The following EFCAB6 variants were observed in gnomAD, a reference collection of about 807,000 sequenced individuals.
EFCAB6 encodes EF-hand calcium binding domain 6.
Under a neutral mutation model 169.8 loss-of-function variants are expected in EFCAB6, and 156 were observed. The observed-to-expected ratio is 0.92, with a 90% CI of 0.81 to 1.05. The LOEUF (loss-of-function observed/expected upper bound fraction) is 1.05. EFCAB6 is among the 50% of genes least tolerant of loss of function. The probability of loss-of-function intolerance (pLI) is 0.00; values close to 1 mark genes in which losing one functional copy is unlikely to be tolerated. For synonymous variants in EFCAB6, 698 were observed against 676.4 expected (o/e 1.03, Z -0.50); for missense variants, 1,800 against 1,829.1 (o/e 0.98, Z 0.29).
At chr22:43,550,178 G>A (rs1396861825) in intron 27 of EFCAB6, among the ~76,000 whole-genome samples, 1 of 152,122 alleles carries the variant, frequency 6.6e-6, no homozygotes, top group Non-Finnish European at 1.5e-5. Context: ...GCACCTGGAG[G>A]AGCCTGGGGG....
chr22:43,545,503 C>G (rs1488913071), intron 27 of EFCAB6, among the ~76,000 whole-genome samples: 9 of 152,212 alleles, frequency 5.9e-5, no homozygotes, highest in Non-Finnish European at 1.3e-4. Flanking sequence ...AAGCTGCTAA[C>G]CCCAAAGACG....
At chr22:43,709,955 G>A (rs531053191) in intron 10 of EFCAB6, among the ~76,000 whole-genome samples, 2 of 152,296 alleles carry the variant, frequency 1.3e-5, no homozygotes, top group South Asian at 4.1e-4. Context: ...GGGGAATGGA[G>A]CCAGCTGCTG....
chr22:43,789,354 A>G (rs1217180430), intron 2 of EFCAB6, among the ~76,000 whole-genome samples: 1 of 152,236 alleles, frequency 6.6e-6, no homozygotes, highest in Non-Finnish European at 1.5e-5. Flanking sequence ...ATGCAGCAGC[A>G]GCACTGGGTG....
At position 43,784,488 on chromosome 22, in the gene EFCAB6, C is replaced by CAA. The variant is rs113755588; in HGVS notation, c.-7-2165_-7-2164dup. Among the ~76,000 whole-genome samples the CAA allele has an allele frequency of 1.4e-4, 9 of 63,686 alleles. No individual in the cohort carries two copies. In the South Asian group the frequency reaches 4.6e-3, roughly 32 times the overall value. 41.8% of individuals were successfully genotyped at this position (63,686 alleles called of 152,430 possible). On this transcript the variant is annotated intron_variant, in intron 2 of 31. Transcript: ENST00000262726. ...CAACAGAGCAAGGCCCTGTCTCTAC[C>CAA]AAAAAAAAAAAAAAATATATATATG... is the stretch of plus-strand genomic sequence containing the variant.
intron 4 of EFCAB6, among the ~76,000 whole-genome samples, chr22:43,769,213 A>C (rs2061400068): frequency 1.3e-5 from 2 of 152,238 alleles, no homozygotes; most frequent in African/African-American, 4.8e-5. Flanking sequence ...GTGAGCCTTA[A>C]AAACATGTGC....
chr22:43,705,674 T>C (rs1199051668), intron 10 of EFCAB6, among the ~76,000 whole-genome samples: 2 of 151,748 alleles, frequency 1.3e-5, no homozygotes, highest in Non-Finnish European at 2.9e-5. Flanking sequence ...AAGTGGAAAA[T>C]TTAAAATATC....
intron 15 of EFCAB6, among the ~76,000 whole-genome samples, chr22:43,670,491 G>T (rs1013077119): frequency 6.6e-6 from 1 of 152,160 alleles, no homozygotes; most frequent in Non-Finnish European, 1.5e-5. Context: ...GTTAGCACTG[G>T]GGCTGACATG....
Position 43,570,204 on chromosome 22 carries a change from G to A in EFCAB6, c.3420+6093C>T, listed in dbSNP as rs555177511. Reference sequence around the variant, plus strand: ...ATTGTATATTTCCACGCAAAGTGAGGAAAGATCTCATTGGCTCTCTGCTTG... The same window carrying A: ...ATTGTATATTTCCACGCAAAGTGAGAAAAGATCTCATTGGCTCTCTGCTTG... On this transcript the variant is annotated intron_variant, in intron 26 of 31. Transcript: ENST00000262726. The A allele has an allele frequency of 9.9e-5, 15 of 152,190 alleles. No homozygotes were observed. In the South Asian group the frequency reaches 3.1e-3, roughly 32 times the overall value. 9.4% of individuals were successfully genotyped at this position (152,190 alleles called of 1,614,324 possible).
At chr22:43,550,839 C>T (rs763965225) in intron 27 of EFCAB6, among the ~76,000 whole-genome samples, 6 of 152,066 alleles carry the variant, frequency 3.9e-5, no homozygotes, top group South Asian at 2.1e-4. Context: ...GACCCAGTTC[C>T]GACTGCCTTT....
In EFCAB6 at chr22:43,672,283, G is replaced by A. The variant is rs993414997; in HGVS notation, c.1442C>T (p.Thr481Ile). ...NCRMRKTSPC[T>I]DAKTPFLLAW... ...CAGGAGGAAAGGTGTCTTAGCATCT[G>A]TACAGGGAGATGTCTTTCTCATCTA... Residue 481 changes from threonine to isoleucine, a missense_variant, in exon 14 of 32, where the codon ACA (threonine) becomes ATA (isoleucine). Physicochemically the swap from Thr to Ile is moderately conservative, Grantham distance 89. Transcript: ENST00000262726. 6.2e-6 allele frequency: 10 copies of A among 1,613,986 alleles called. No individual in the cohort carries two copies. In the Admixed American group the frequency reaches 1.5e-4, roughly 24 times the overall value.
In EFCAB6 at chr22:43,590,102, C is replaced by A. The variant is rs780201437; in HGVS notation, c.3004G>T (p.Glu1002Ter). Reference sequence around the variant, plus strand: ...TTTAGCAGATGGGTCAGCTCCCCTTCGGTAAGAGAACATCCACATTCTTCC... The same window carrying A: ...TTTAGCAGATGGGTCAGCTCCCCTTAGGTAAGAGAACATCCACATTCTTCC... ...VLEECGCSLT[E>*]GELTHLLNSW... is the part of the protein sequence containing the mutation. The change falls in exon 24 of 32, where the codon GAA becomes TAA. Residue 1002 changes from glutamate (E) to a stop codon, truncating the protein, a stop_gained. Transcript: ENST00000262726. LOFTEE classifies it high-confidence loss of function. 6.2e-7 allele frequency: 1 copy of A among 1,613,988 alleles called. No individual in the cohort carries two copies. Among genetic ancestry groups the A allele is most frequent in the Non-Finnish European group, 8.5e-7 (1 of 1,179,936 alleles).
Position 43,635,086 on chromosome 22 carries a change from C to T in EFCAB6, c.2098+16G>A, listed in dbSNP as rs111463671. The T allele has an allele frequency of 1.9e-6, 3 of 1,609,014 alleles. No homozygotes were observed. In the South Asian group the frequency reaches 3.3e-5, roughly 18 times the overall value. ...CAGGACGCATCCCACAGGGTGTGGACTTGGCCATTAGCTACCTTCAAATCC... is the reference window on the plus strand; with the variant it reads ...CAGGACGCATCCCACAGGGTGTGGATTTGGCCATTAGCTACCTTCAAATCC... On this transcript the variant is annotated intron_variant, in intron 18 of 31. Coordinates refer to ENST00000262726, the MANE Select transcript of EFCAB6 (RefSeq NM_022785.4).
intron 10 of EFCAB6, among the ~76,000 whole-genome samples, chr22:43,688,293 C>T (rs2058277876): frequency 6.6e-6 from 1 of 152,146 alleles, no homozygotes; most frequent in African/African-American, 2.4e-5. Flanking sequence ...CCCAGTGGAC[C>T]CATGTTGGGC....
intron 5 of EFCAB6, among the ~76,000 whole-genome samples, chr22:43,756,394 G>C (rs553077494): frequency 6.6e-6 from 1 of 152,252 alleles, no homozygotes; most frequent in Non-Finnish European, 1.5e-5. Flanking sequence ...TCAGTGAAGG[G>C]CTTCGTGGTC....
intron 17 of EFCAB6, among the ~76,000 whole-genome samples, chr22:43,649,105 AG>A (rs34631632): frequency 6.6e-6 from 1 of 152,214 alleles, no homozygotes; most frequent in South Asian, 2.1e-4. Context: ...ACAGAGCCCG[AG>A]GGGGAAAAAA....
intron 6 of EFCAB6, among the ~76,000 whole-genome samples, chr22:43,752,754 C>T (rs1473391717): frequency 6.6e-6 from 1 of 152,152 alleles, no homozygotes; most frequent in African/African-American, 2.4e-5. Flanking sequence ...GTGTGTTAGT[C>T]AGTCCTAGTC....
chr22:43,738,123 CAT>C (rs1254328793), intron 6 of EFCAB6, among the ~76,000 whole-genome samples: 1 of 150,852 alleles, frequency 6.6e-6, no homozygotes, highest in Non-Finnish European at 1.5e-5. Flanking sequence ...CACATATATT[CAT>C]ACACACACCT....
chr22:43,740,778 A>T (rs1216377493), intron 6 of EFCAB6, among the ~76,000 whole-genome samples: 1 of 152,178 alleles, frequency 6.6e-6, no homozygotes, highest in Admixed American at 6.5e-5. Context: ...TGAAAGAGGG[A>T]GCCCCAGCCA....
At chr22:43,687,838 A>C (rs2058261423) in intron 10 of EFCAB6, among the ~76,000 whole-genome samples, 1 of 152,222 alleles carries the variant, frequency 6.6e-6, no homozygotes, top group Non-Finnish European at 1.5e-5. Context: ...AATCTAAGGG[A>C]TTTGATTAAA....
Sources: gnomAD v4.1 joint callset for allele counts (sites outside exome capture counted in the v4.1 genomes callset) on GRCh38, gnomAD v4.1.1 for gene constraint, MANE v1.5 for transcripts, NCBI Gene and HGNC (gene_info 2026-07-23, HGNC 2026-07-21) for gene names.